Variants in OTULINL observed in about 807,000 individuals in gnomAD.
The protein encoded by OTULINL is OTU deubiquitinase with linear linkage specificity like.
Under a neutral mutation model 43.9 loss-of-function variants are expected in OTULINL, and 42 were observed. The ratio of observed to expected loss-of-function variants is 0.96; its 90% confidence interval spans 0.75 to 1.24. The LOEUF is 1.24. OTULINL is among the 50% of genes most tolerant of loss of function. The pLI is 0.00. For synonymous variants in OTULINL, 172 were observed against 153.6 expected, an observed-to-expected ratio of 1.12 and a Z score of -0.88; for missense variants, 411 against 426.4, an observed-to-expected ratio of 0.96 and a Z score of 0.32.
intron 1 of OTULINL, among the ~76,000 whole-genome samples, chr5:14,593,650 A>G (rs1759241405): frequency 6.6e-6 from 1 of 152,238 alleles, no homozygotes; most frequent in Admixed American, 6.5e-5. Flanking sequence ...TGCAATGATT[A>G]GAAAATGAAA....
intron 1 of OTULINL, among the ~76,000 whole-genome samples, chr5:14,599,410 C>T (rs1461804624): frequency 6.6e-6 from 1 of 152,042 alleles, no homozygotes; most frequent in African/African-American, 2.4e-5. Flanking sequence ...AGCACTTGAA[C>T]CCGGGAGGCA....
chr5:14,609,820 C>T (rs574820589), intron 7 of OTULINL, among the ~76,000 whole-genome samples: 15 of 152,206 alleles, frequency 9.9e-5, no homozygotes, highest in South Asian at 6.2e-4. Flanking sequence ...TTAGTAGAGA[C>T]GGGGTTTCAC....
intron 1 of OTULINL, among the ~76,000 whole-genome samples, chr5:14,590,705 T>G (rs1368650685): frequency 3.9e-5 from 6 of 152,164 alleles, no homozygotes; most frequent in African/African-American, 1.4e-4. Flanking sequence ...ATGGGTTGAG[T>G]TGTGGCTTTA....
chr5:14,597,446 G>C (rs749531251), intron 1 of OTULINL, among the ~76,000 whole-genome samples: 2 of 152,180 alleles, frequency 1.3e-5, no homozygotes, highest in Non-Finnish European at 2.9e-5. Context: ...GCCAGCATGG[G>C]GACCATGTTG....
rs575066004 is a variant in OTULINL at position 14,615,863 on chromosome 5, T to C, written c.*5549T>C. 1.3e-5 allele frequency among the ~76,000 whole-genome samples: 2 copies of C among 152,350 alleles called. No individual in the cohort carries two copies. The highest frequency in any genetic ancestry group is 4.1e-4 in the South Asian group (2 of 4,826). ...TGCAGTTGAGACCATTCCTCCTGTA[T>C]GTCTTTACAAGCAAATTGAAACGAC... On this transcript the variant is annotated 3_prime_UTR_variant, in exon 8 of 8. Transcript: ENST00000274217.
intron 5 of OTULINL, among the ~76,000 whole-genome samples, 179 bp downstream of exon 5, chr5:14,602,511 A>C (rs1759406408): frequency 6.6e-6 from 1 of 152,148 alleles, no homozygotes; most frequent in African/African-American, 2.4e-5. Context: ...TCATGGCTCA[A>C]TGCAGCCTTG....
intron 1 of OTULINL, among the ~76,000 whole-genome samples, chr5:14,600,008 T>C (rs1759356203): frequency 6.6e-6 from 1 of 152,200 alleles, no homozygotes; most frequent in African/African-American, 2.4e-5. Flanking sequence ...GTTTCAAAAA[T>C]ATATAAATGG....
intron 1 of OTULINL, among the ~76,000 whole-genome samples, chr5:14,587,358 A>G (rs1759124806): frequency 6.6e-6 from 1 of 152,240 alleles, no homozygotes; most frequent in South Asian, 2.1e-4. Context: ...GGGAAGTGGA[A>G]GAGATGGCAA....
intron 1 of OTULINL, among the ~76,000 whole-genome samples, chr5:14,599,442 C>T (rs1382890837): frequency 1.3e-5 from 2 of 151,406 alleles, no homozygotes; most frequent in Admixed American, 6.6e-5. Flanking sequence ...GAGCCAAGAT[C>T]ACACCATTGC....
chr5:14,602,377 A>G, intron 5 of OTULINL, 45 bp downstream of exon 5: 2 of 1,559,554 alleles, frequency 1.3e-6, no homozygotes, highest in South Asian at 2.3e-5. Context: ...TGTTGACAAT[A>G]ACTGCAACTC....
intron 5 of OTULINL, among the ~76,000 whole-genome samples, chr5:14,606,579 G>A (rs1394319247): frequency 6.6e-6 from 1 of 152,150 alleles, no homozygotes; most frequent in Non-Finnish European, 1.5e-5. Context: ...TTATTGGTAT[G>A]TTACAATGGA....
At chr5:14,587,704 C>T (rs998250304) in intron 1 of OTULINL, among the ~76,000 whole-genome samples, 9 of 152,150 alleles carry the variant, frequency 5.9e-5, no homozygotes, top group African/African-American at 2.2e-4. Context: ...GTATATCCCT[C>T]TATTTTTGTT....
At chr5:14,595,787 C>T (rs972608577) in intron 1 of OTULINL, among the ~76,000 whole-genome samples, 2 of 151,492 alleles carry the variant, frequency 1.3e-5, no homozygotes, top group Admixed American at 6.6e-5. Context: ...TCCTCTAGGA[C>T]ATGTTCACTG....
rs1459648955 is a variant in OTULINL at position 14,614,162 on chromosome 5, C to G, written c.*3848C>G. 6.6e-6 allele frequency among the ~76,000 whole-genome samples: 1 copy of G among 151,476 alleles called. No individual in the cohort carries two copies. The highest frequency in any genetic ancestry group is 2.4e-5 in the African/African-American group (1 of 41,128). On this transcript the variant is annotated 3_prime_UTR_variant, in exon 8 of 8. Transcript: ENST00000274217. ...TCTCTTTGCAAGAATGTTTTTCACA[C>G]TGCTTAATAAGACCAGTTAATGTGT... is the stretch of plus-strand genomic sequence containing the variant.
At chr5:14,584,811 A>C (rs956204214) in intron 1 of OTULINL, among the ~76,000 whole-genome samples, 3 of 152,226 alleles carry the variant, frequency 2.0e-5, no homozygotes, top group Admixed American at 1.3e-4. Context: ...TTGTTAATCC[A>C]AAGCCATTCA....
chr5:14,594,613 A>T (rs1295216174), intron 1 of OTULINL, among the ~76,000 whole-genome samples: 1 of 152,182 alleles, frequency 6.6e-6, no homozygotes, highest in Non-Finnish European at 1.5e-5. Flanking sequence ...GGGGGGAAGA[A>T]GTGTGAGGAA....
intron 1 of OTULINL, among the ~76,000 whole-genome samples, chr5:14,582,866 C>T (rs565911472): frequency 4.6e-5 from 7 of 150,810 alleles, no homozygotes; most frequent in Non-Finnish European, 1.0e-4. Context: ...GCAGCACAGC[C>T]TGGGAGTTCA....
At chr5:14,590,953 T>TGATA (rs1759191192) in intron 1 of OTULINL, among the ~76,000 whole-genome samples, 1 of 152,148 alleles carries the variant, frequency 6.6e-6, no homozygotes, top group South Asian at 2.1e-4. Context: ...GCACAGGAGA[T>TGATA]GATACATCCA....
At position 14,601,080 on chromosome 5, in the gene OTULINL, C is replaced by T. The variant is rs76754467; in HGVS notation, c.180C>T (p.Cys60=). 3,299 of 1,613,528 alleles carry T rather than the reference C, an allele frequency of 2.0e-3. 26 individuals carry two copies. The African/African-American group carries it at 0.023, about 11-fold the overall frequency. The stretch of plus-strand genomic sequence containing the variant: ...TTTCATTTCTGGTGGCTGCCATCTG[C>T]TACTTCCGGAGGCTACATTTATATT... The part of the protein sequence containing the change: ...LAVSFLVAAI[C]YFRRLHLYSG... Residue 60 remains cysteine, a synonymous_variant, in exon 2 of 8, where the codon TGC becomes TGT. Coordinates refer to ENST00000274217, the MANE Select transcript of OTULINL (RefSeq NM_019018.3).
Sources: allele counts gnomAD v4.1 joint callset (sites outside exome capture counted in the v4.1 genomes callset), GRCh38; gene constraint gnomAD v4.1.1; transcripts MANE v1.5; gene names NCBI Gene and HGNC (gene_info 2026-07-23, HGNC 2026-07-21).